C3orf52: variants seen among roughly 807,000 people sequenced by gnomAD.
C3orf52 encodes the protein chromosome 3 open reading frame 52.
A neutral mutation model predicts 24.8 loss-of-function variants in C3orf52; 22 were observed. The observed-to-expected ratio is 0.89, with a 90% confidence interval of 0.63 to 1.27. The LOEUF is 1.27. Among genes scored for constraint, C3orf52 ranks in the 50% most tolerant of loss-of-function variants. The pLI is 0.00. For missense variants in C3orf52, 265 were observed against 260.7 expected, an observed-to-expected ratio of 1.02 and a Z score of -0.11; for synonymous variants, 93 against 100.2, an observed-to-expected ratio of 0.93 and a Z score of 0.43.
At chr3:112,104,350 G>A (rs577217223) in intron 3 of C3orf52, among the ~76,000 whole-genome samples, 12 of 152,294 alleles carry the variant, frequency 7.9e-5, no homozygotes, top group Non-Finnish European at 1.8e-4. Flanking sequence ...AGAAAATCTA[G>A]GCAAGAGCAG....
chr3:112,098,372 G>A (rs1285284374), intron 2 of C3orf52, among the ~76,000 whole-genome samples: 3 of 152,098 alleles, frequency 2.0e-5, no homozygotes, highest in Non-Finnish European at 4.4e-5. Flanking sequence ...TGCATTGTGG[G>A]TTCATGAGGC....
Position 112,123,874 on chromosome 3 carries a change from A to C in C3orf52, c.*46+4312A>C, listed in dbSNP as rs1380770508. The C allele has an allele frequency of 1.9e-5, 23 of 1,225,106 alleles. No homozygotes were observed. The South Asian group carries it at 3.2e-4, about 17-fold the overall frequency. 75.9% of individuals were successfully genotyped at this position (1,225,106 alleles called of 1,614,324 possible). A position where few individuals can be genotyped will look rare whatever the true frequency, so the allele number is the denominator to read the frequency against. On this transcript the variant is annotated intron_variant, in intron 4 of 4. Coordinates refer to the C3orf52 transcript ENST00000480282. ...TGACCCTTGGTCAAGTCTGTCTTCT[A>C]TGACCACCTCCTCCCCATCTCTTGG...
chr3:112,100,933 A>T (rs1045669604), intron 2 of C3orf52, among the ~76,000 whole-genome samples: 2 of 152,236 alleles, frequency 1.3e-5, no homozygotes, highest in Non-Finnish European at 2.9e-5. Flanking sequence ...ATTTGTTAGG[A>T]CCTTAAATAT....
At chr3:112,124,964 G>A (rs1559983081) in intron 4 of C3orf52, among the ~76,000 whole-genome samples, 1 of 152,182 alleles carries the variant, frequency 6.6e-6, no homozygotes, top group Non-Finnish European at 1.5e-5. Flanking sequence ...GAGTTGATGT[G>A]TGTAAAGCAC....
chr3:112,114,719 C>A (rs977359490), intron 5 of C3orf52, among the ~76,000 whole-genome samples: 5 of 151,902 alleles, frequency 3.3e-5, no homozygotes, highest in Admixed American at 6.6e-5. Context: ...GAAAAAAAAA[C>A]CCAGAAACCT....
Position 112,094,204 on chromosome 3 carries a change from G to T in C3orf52, c.268+715G>T, listed in dbSNP as rs565176429. ...GAGACGGGGTTTTGCCATGTTGTCC[G>T]GGTTGGTCTTGAACTCCTGACCTCA... On this transcript the variant is annotated intron_variant, in intron 2 of 5. Coordinates refer to ENST00000264848, the MANE Select transcript of C3orf52 (RefSeq NM_024616.3). 2.0e-5 allele frequency among the ~76,000 whole-genome samples: 3 copies of T among 152,156 alleles called. No individual in the cohort carries two copies. The South Asian group carries it at 6.2e-4, about 32-fold the overall frequency.
chr3:112,115,199 G>A (rs2074123291), intron 5 of C3orf52, among the ~76,000 whole-genome samples: 1 of 152,226 alleles, frequency 6.6e-6, no homozygotes, highest in South Asian at 2.1e-4. Context: ...TATGTTTTCA[G>A]AATGTGAGTG....
In C3orf52 at chr3:112,102,911, G is replaced by C; in HGVS notation, c.342G>C (p.Lys114Asn). ...SSNKTFFIMLKIPEECVAEEE... is the reference protein window; with the variant it reads ...SSNKTFFIMLNIPEECVAEEE... ...ACAAAACATTCTTCATCATGCTGAA[G>C]ATTCCAGAGGAGTGTGTTGCTGAAG... Residue 114 changes from lysine to asparagine, a missense_variant, in exon 3 of 6, where the codon AAG becomes AAC. Coordinates refer to ENST00000264848, the MANE Select transcript of C3orf52 (RefSeq NM_024616.3). 6.2e-7 allele frequency: 1 copy of C among 1,610,548 alleles called. No homozygotes were observed. The highest frequency in any genetic ancestry group is 1.1e-5 in the South Asian group (1 of 89,916).
chr3:112,130,760 TA>T (rs2074434129), downstream of C3orf52: 4 of 526,006 alleles, frequency 7.6e-6, no homozygotes, highest in Non-Finnish European at 1.4e-5. Flanking sequence ...CAAGTGATCC[TA>T]AATCATCTGA....
At chr3:112,101,460 C>T (rs910974797) in intron 2 of C3orf52, among the ~76,000 whole-genome samples, 2 of 152,106 alleles carry the variant, frequency 1.3e-5, no homozygotes, top group Non-Finnish European at 2.9e-5. Context: ...CTACTATGCA[C>T]TAAAAATCCA....
At chr3:112,094,213 T>C (rs762969127) in intron 2 of C3orf52, among the ~76,000 whole-genome samples, 1 of 152,238 alleles carries the variant, frequency 6.6e-6, no homozygotes, top group Admixed American at 6.5e-5. Flanking sequence ...CGGGTTGGTC[T>C]TGAACTCCTG....
chr3:112,105,659 C>A (rs1410712463), intron 3 of C3orf52, among the ~76,000 whole-genome samples: 1 of 150,924 alleles, frequency 6.6e-6, no homozygotes, highest in African/African-American at 2.4e-5. Context: ...TTAGTGCAGA[C>A]CCCATAGTTT....
Position 112,116,792 on chromosome 3 carries a change from C to G in C3orf52, c.*146C>G, listed in dbSNP as rs761664757. The G allele has an allele frequency of 6.5e-7, 1 of 1,541,728 alleles. No individual in the cohort carries two copies. The highest frequency in any genetic ancestry group is 2.4e-5 in the East Asian group (1 of 40,936). On this transcript the variant is annotated 3_prime_UTR_variant, in exon 6 of 6. Transcript: ENST00000264848. ...GAGGGGTGGAGACTCCTTTCTCTCC[C>G]GATTCTACAGTCTGGCTCTAAGCCC... is the stretch of plus-strand genomic sequence containing the variant.
downstream of C3orf52, chr3:112,133,539 ATATAG>A (rs1344280759): frequency 5.9e-6 from 1 of 170,426 alleles, no homozygotes; most frequent in Non-Finnish European, 1.2e-5. Context: ...CCTGTAGAAA[ATATAG>A]TATCAACAAC....
chr3:112,098,186 A>G (rs897397774), intron 2 of C3orf52, among the ~76,000 whole-genome samples: 2 of 152,176 alleles, frequency 1.3e-5, no homozygotes, highest in Admixed American at 6.5e-5. Flanking sequence ...TCTTGTATCT[A>G]TTGGTTCCCA....
intron 4 of C3orf52, among the ~76,000 whole-genome samples, chr3:112,127,305 A>G (rs2074348859): frequency 6.6e-6 from 1 of 152,234 alleles, no homozygotes; most frequent in African/African-American, 2.4e-5. Flanking sequence ...ATATGGTGAT[A>G]GAGGTTACTT....
chr3:112,111,345 T>A (rs575913859), intron 4 of C3orf52: 1 of 152,394 alleles, frequency 6.6e-6, no homozygotes, highest in South Asian at 2.1e-4. Context: ...CTGCTGCACA[T>A]GGGTGGGAGG....
downstream of C3orf52, chr3:112,120,866 T>C (rs892025868): frequency 6.6e-6 from 1 of 152,338 alleles, no homozygotes; most frequent in East Asian, 1.9e-4. Context: ...ATTTATTTAC[T>C]GGAAATTTGA....
At chr3:112,128,319 A>T in exon 5 of C3orf52, 1 of 633,002 alleles carries the variant, frequency 1.6e-6, no homozygotes, top group Non-Finnish European at 2.9e-6. Context: ...CTCACTCTCA[A>T]TTCTGGTAAT....
Sources: allele counts gnomAD v4.1 joint callset (sites outside exome capture counted in the v4.1 genomes callset), GRCh38; gene constraint gnomAD v4.1.1; transcripts MANE v1.5; gene names NCBI Gene and HGNC (gene_info 2026-07-23, HGNC 2026-07-21).